Variants in TIAM1 observed in about 807,000 individuals in gnomAD.
The protein encoded by TIAM1 is rho guanine nucleotide exchange factor TIAM1.
In TIAM1, 65 loss-of-function variants were observed where a neutral mutation model predicts 163.5. The ratio of observed to expected loss-of-function variants is 0.40; its 90% CI spans 0.33 to 0.49. The LOEUF (loss-of-function observed/expected upper bound fraction) is 0.49, where lower values mean the gene tolerates loss of function less well. Ranked by LOEUF, TIAM1 falls within the 20% of genes least tolerant of loss-of-function variation. TIAM1 has a pLI of 0.77. For missense variants in TIAM1, 1,789 were observed against 2,044.7 expected, an observed-to-expected ratio of 0.87 and a Z score of 2.41; for synonymous variants, 833 against 810.1, an observed-to-expected ratio of 1.03 and a Z score of -0.48.
At chr21:31,555,870 AG>A (rs2048859152) in intron 1 of TIAM1, among the ~76,000 whole-genome samples, 1 of 152,140 alleles carries the variant, frequency 6.6e-6, no homozygotes, top group South Asian at 2.1e-4. Context: ...TCAGGGCTCC[AG>A]GGTTTCAGTC....
intron 6 of TIAM1, among the ~76,000 whole-genome samples, chr21:31,230,424 G>A (rs765399825): frequency 7.9e-5 from 12 of 151,600 alleles, no homozygotes; most frequent in Non-Finnish European, 2.9e-5. Context: ...AAAAAGTTTT[G>A]GTTCTGTTTT....
intron 2 of TIAM1, among the ~76,000 whole-genome samples, chr21:31,386,709 C>G (rs985185548): frequency 2.0e-5 from 3 of 152,076 alleles, no homozygotes; most frequent in African/African-American, 2.4e-5. Context: ...CCAGGGAGGA[C>G]AGGCCAGGTA....
At chr21:31,495,216 A>G (rs1035816617) in intron 1 of TIAM1, among the ~76,000 whole-genome samples, 3 of 152,228 alleles carry the variant, frequency 2.0e-5, no homozygotes, top group Non-Finnish European at 4.4e-5. Context: ...CAGCTTGTGC[A>G]GCTGCAACAA....
intron 2 of TIAM1, among the ~76,000 whole-genome samples, chr21:31,461,791 G>C (rs536140109): frequency 2.0e-5 from 3 of 151,834 alleles, no homozygotes; most frequent in Non-Finnish European, 2.9e-5. Context: ...TCAGCCTCCC[G>C]GCCAGCTGGG....
At chr21:31,261,154 A>G (rs963713106) in intron 4 of TIAM1, among the ~76,000 whole-genome samples, 1 of 152,118 alleles carries the variant, frequency 6.6e-6, no homozygotes, top group African/African-American at 2.4e-5. Context: ...TATCAAAGAA[A>G]GCAGCCGTGA....
At chr21:31,332,960 A>G (rs1405763444) in intron 2 of TIAM1, among the ~76,000 whole-genome samples, 1 of 152,038 alleles carries the variant, frequency 6.6e-6, no homozygotes, top group Non-Finnish European at 1.5e-5. Context: ...TAAACCAGGC[A>G]TGGTGATGTA....
At chr21:31,133,152 T>A (rs1047611605) in intron 23 of TIAM1, among the ~76,000 whole-genome samples, 1 of 152,224 alleles carries the variant, frequency 6.6e-6, no homozygotes, top group Non-Finnish European at 1.5e-5. Flanking sequence ...TTCTGCTAGT[T>A]CTGCCTTGCT....
At position 31,395,306 on chromosome 21, in the gene TIAM1, G is replaced by A. The variant is rs1233945614; in HGVS notation, c.-368-55884C>T. On this transcript the variant is annotated intron_variant, in intron 2 of 28. Coordinates refer to the TIAM1 transcript ENST00000286827. The surrounding 1 kb of genome is among the most constrained non-coding windows in gnomAD (Gnocchi z 7.5). ...TGGAGCTCTCTGGAGATGTCACTAC[G>A]TCTCAGGGGGCTACTTCTAGAGAAG... is the stretch of plus-strand genomic sequence containing the variant. Among the ~76,000 whole-genome samples the A allele has an allele frequency of 2.0e-5, 3 of 151,936 alleles. No homozygotes were observed. The highest frequency in any genetic ancestry group is 1.3e-4 in the Admixed American group (2 of 15,258).
At chr21:31,501,906 A>G (rs1241560939) in intron 1 of TIAM1, among the ~76,000 whole-genome samples, 2 of 152,054 alleles carry the variant, frequency 1.3e-5, no homozygotes, top group Non-Finnish European at 2.9e-5. Flanking sequence ...CCAGCCTTGT[A>G]AAGTGGTTTT....
intron 17 of TIAM1, among the ~76,000 whole-genome samples, chr21:31,153,630 G>C (rs113965890): frequency 7.9e-5 from 12 of 152,256 alleles, no homozygotes; most frequent in African/African-American, 2.6e-4. Context: ...CTTCTGGCTA[G>C]ATTCTAATTA....
intron 2 of TIAM1, among the ~76,000 whole-genome samples, chr21:31,334,506 A>G (rs2075780239): frequency 6.6e-6 from 1 of 152,142 alleles, no homozygotes. Flanking sequence ...TTTGATCAGC[A>G]AAAAAATCCC....
chr21:31,349,460 G>A (rs550948680), intron 2 of TIAM1, among the ~76,000 whole-genome samples: 5 of 152,314 alleles, frequency 3.3e-5, no homozygotes, highest in African/African-American at 1.2e-4. Context: ...AGGGCCCTGG[G>A]TGCCTTGCAC....
chr21:31,327,447 C>G lies in TIAM1; in HGVS notation c.-189+11796G>C, dbSNP rs1024602855. Among the ~76,000 whole-genome samples, 16 of 151,976 alleles carry G rather than the reference C, an allele frequency of 1.1e-4. No homozygotes were observed. In the East Asian group the frequency reaches 2.9e-3, roughly 28 times the overall value. ...TTGAGGTCAGGAGTTCGAGACCAAT[C>G]TGGCCAACATAGCAAAACCCATCTC... On this transcript the variant is annotated intron_variant, in intron 2 of 27. Transcript: ENST00000541036.
At chr21:31,267,947 T>C (rs1344548059) in intron 3 of TIAM1, among the ~76,000 whole-genome samples, 1 of 152,178 alleles carries the variant, frequency 6.6e-6, no homozygotes, top group Non-Finnish European at 1.5e-5. Flanking sequence ...TCTCTCTCAC[T>C]GACCCGATGA....
intron 2 of TIAM1, among the ~76,000 whole-genome samples, chr21:31,328,063 G>A (rs1039143918): frequency 6.6e-6 from 1 of 151,878 alleles, no homozygotes; most frequent in Non-Finnish European, 1.5e-5. Context: ...CCTCTGCCTC[G>A]ATGCTCCCTC....
At chr21:31,253,721 G>T (rs1447758777) in intron 4 of TIAM1, among the ~76,000 whole-genome samples, 3 of 152,096 alleles carry the variant, frequency 2.0e-5, no homozygotes. Flanking sequence ...AAGAAACCAC[G>T]AATGCAGCTC....
Position 31,245,490 on chromosome 21 carries a change from GA to G in TIAM1, c.1581del (p.Gln528ArgfsTer36). ...LSNSLGDAFL[F>X]QTTSQTELEN... ...TGCAAAGGAAGTGCCCAACAAACCT[GA>G]AAAAGGAAGGCATCACCCAGGGAAT... On this transcript the variant is annotated frameshift_variant, in exon 6 of 28. Transcript: ENST00000541036. LOFTEE classifies it high-confidence loss of function. 4.0e-6 allele frequency: 6 copies of G among 1,497,414 alleles called. No homozygotes were observed. The highest frequency in any genetic ancestry group is 2.5e-5 in the East Asian group (1 of 39,748). 92.8% of individuals were successfully genotyped at this position (1,497,414 alleles called of 1,614,324 possible). A position where few individuals can be genotyped will look rare whatever the true frequency, so the allele number is the denominator to read the frequency against.
chr21:31,183,680 T>C (rs2146445479), intron 14 of TIAM1, among the ~76,000 whole-genome samples: 1 of 151,984 alleles, frequency 6.6e-6, no homozygotes, highest in Non-Finnish European at 1.5e-5. Context: ...TTCAGGTTTC[T>C]AAAATATCTG....
intron 2 of TIAM1, among the ~76,000 whole-genome samples, chr21:31,425,183 C>A (rs963785353): frequency 6.6e-6 from 1 of 152,170 alleles, no homozygotes; most frequent in African/African-American, 2.4e-5. Flanking sequence ...CCTGAACTCT[C>A]TTCCACGGTG....
Sources: allele counts gnomAD v4.1 joint callset (sites outside exome capture counted in the v4.1 genomes callset), GRCh38; gene constraint gnomAD v4.1.1; non-coding constraint Gnocchi (gnomAD v3.1); transcripts MANE v1.5; gene names NCBI Gene and HGNC (gene_info 2026-07-23, HGNC 2026-07-21).